The following HS3ST3A1 variants were observed in gnomAD, a reference collection of about 807,000 sequenced individuals.
HS3ST3A1 encodes heparan sulfate glucosamine 3-O-sulfotransferase 3A1.
Under a neutral mutation model 25.7 loss-of-function variants are expected in HS3ST3A1, and 19 were observed. That is an observed-to-expected ratio of 0.74 (90% CI 0.52 to 1.08). The LOEUF is 1.08. Ranked by LOEUF, HS3ST3A1 falls within the 50% of genes least tolerant of loss-of-function variation. The pLI, the probability that HS3ST3A1 is intolerant of heterozygous loss-of-function variation, is 0.00. For missense variants in HS3ST3A1, 459 were observed against 594.3 expected, an observed-to-expected ratio of 0.77 and a Z score of 2.37; for synonymous variants, 226 against 278.6, an observed-to-expected ratio of 0.81 and a Z score of 1.88.
chr17:13,598,056 T>C lies in HS3ST3A1; in HGVS notation c.599+2475A>G, dbSNP rs77863559. Among the ~76,000 whole-genome samples the C allele has an allele frequency of 4.4e-3, 665 of 152,364 alleles. 6 individuals carry two copies. Among genetic ancestry groups the C allele is most frequent in the African/African-American group, 0.016 (646 of 41,580 alleles). On this transcript the variant is annotated intron_variant, in intron 1 of 1. Transcript: ENST00000284110. ...TAATTATATAGGTTTTTCTCTTCCA[T>C]AATTCACTGCTGGGTGCAAATATCT... is the stretch of plus-strand genomic sequence containing the variant.
At chr17:13,553,813 C>T (rs1907302777) in intron 1 of HS3ST3A1, among the ~76,000 whole-genome samples, 1 of 152,162 alleles carries the variant, frequency 6.6e-6, no homozygotes, top group Admixed American at 6.5e-5. Flanking sequence ...CACACATTCT[C>T]CCCTCTCAGG....
chr17:13,532,564 A>T (rs557383115), intron 1 of HS3ST3A1, among the ~76,000 whole-genome samples: 1 of 152,010 alleles, frequency 6.6e-6, no homozygotes, highest in Non-Finnish European at 1.5e-5. Context: ...CCAGGGCCCG[A>T]GGGGGGCCAG....
chr17:13,557,920 G>A (rs754900700), intron 1 of HS3ST3A1, among the ~76,000 whole-genome samples: 4 of 152,164 alleles, frequency 2.6e-5, no homozygotes, highest in African/African-American at 7.2e-5. Context: ...CCTGGTAAAC[G>A]TTTTGAATTT....
chr17:13,573,548 T>C (rs1907872162), intron 1 of HS3ST3A1, among the ~76,000 whole-genome samples: 1 of 152,200 alleles, frequency 6.6e-6, no homozygotes, highest in Admixed American at 6.5e-5. Flanking sequence ...CTGATGATTC[T>C]TCCTCTCCAG....
chr17:13,542,713 A>C (rs1252915346), intron 1 of HS3ST3A1, among the ~76,000 whole-genome samples: 1 of 151,892 alleles, frequency 6.6e-6, no homozygotes, highest in Admixed American at 6.6e-5. Context: ...TAAAGCAATA[A>C]ATTTCTTTGT....
chr17:13,553,506 C>T (rs928169961), intron 1 of HS3ST3A1, among the ~76,000 whole-genome samples: 1 of 152,146 alleles, frequency 6.6e-6, no homozygotes, highest in Non-Finnish European at 1.5e-5. Context: ...CTTCTCTACC[C>T]TTGATTTTGT....
chr17:13,523,282 G>A (rs995180034), intron 1 of HS3ST3A1, among the ~76,000 whole-genome samples: 8 of 152,184 alleles, frequency 5.3e-5, no homozygotes, highest in African/African-American at 1.7e-4. Flanking sequence ...ACAAGGAAAC[G>A]ACAAAGAATA....
At chr17:13,590,620 T>A (rs181253346) in intron 1 of HS3ST3A1, among the ~76,000 whole-genome samples, 2 of 152,184 alleles carry the variant, frequency 1.3e-5, no homozygotes, top group Non-Finnish European at 2.9e-5. Context: ...CTAAAGGAAG[T>A]TCAGATCAAC....
At chr17:13,563,471 G>A (rs1907599223) in intron 1 of HS3ST3A1, among the ~76,000 whole-genome samples, 1 of 152,160 alleles carries the variant, frequency 6.6e-6, no homozygotes, top group African/African-American at 2.4e-5. Context: ...CAGGATGTAT[G>A]TAGGCATTTT....
chr17:13,519,826 A>T (rs1376836152), intron 1 of HS3ST3A1, among the ~76,000 whole-genome samples: 1 of 152,182 alleles, frequency 6.6e-6, no homozygotes, highest in Non-Finnish European at 1.5e-5. Flanking sequence ...TTGATTGCTC[A>T]CCCCACATTA....
intron 1 of HS3ST3A1, among the ~76,000 whole-genome samples, chr17:13,538,160 A>C (rs189714026): frequency 2.0e-4 from 31 of 152,334 alleles, no homozygotes; most frequent in Middle Eastern, 6.8e-3. Context: ...CTTACTACTT[A>C]ATGGTTAAAC....
intron 1 of HS3ST3A1, among the ~76,000 whole-genome samples, chr17:13,590,564 T>C (rs1908397709): frequency 6.6e-6 from 1 of 152,190 alleles, no homozygotes; most frequent in Admixed American, 6.5e-5. Context: ...TTCAGATACC[T>C]TCTACCTCCA....
At chr17:13,529,498 C>T (rs1008919355) in intron 1 of HS3ST3A1, among the ~76,000 whole-genome samples, 9 of 152,054 alleles carry the variant, frequency 5.9e-5, no homozygotes, top group Non-Finnish European at 1.2e-4. Flanking sequence ...ACACAGAGTC[C>T]TGTGGGTTTT....
At chr17:13,566,483 T>G (rs1158854338) in intron 1 of HS3ST3A1, among the ~76,000 whole-genome samples, 1 of 152,192 alleles carries the variant, frequency 6.6e-6, no homozygotes, top group Non-Finnish European at 1.5e-5. Flanking sequence ...AAGGAAGAGT[T>G]GCACCTCCCT....
intron 1 of HS3ST3A1, among the ~76,000 whole-genome samples, chr17:13,515,048 G>A (rs1332012618): frequency 1.3e-5 from 2 of 152,104 alleles, no homozygotes; most frequent in African/African-American, 4.8e-5. Flanking sequence ...AAGAGGGAAA[G>A]GGGATTTAAT....
intron 1 of HS3ST3A1, among the ~76,000 whole-genome samples, chr17:13,512,801 G>C (rs1016096338): frequency 6.6e-6 from 1 of 152,160 alleles, no homozygotes; most frequent in South Asian, 2.1e-4. Context: ...AGTAGTTCAT[G>C]ATCTGCGTAT....
At chr17:13,547,944 C>CAAAA (rs750200323) in intron 1 of HS3ST3A1, among the ~76,000 whole-genome samples, 1 of 53,386 alleles carries the variant, frequency 1.9e-5, no homozygotes, top group Non-Finnish European at 4.5e-5. Context: ...TGGTGTGAGC[C>CAAAA]AAAAAAAAAA....
At chr17:13,502,880 G>GAA (rs35611722) in intron 1 of HS3ST3A1, among the ~76,000 whole-genome samples, 3 of 143,982 alleles carry the variant, frequency 2.1e-5, no homozygotes, top group African/African-American at 5.1e-5. Flanking sequence ...TAACTATAAT[G>GAA]AAAAAAAAAA....
chr17:13,579,888 CAGTGAGCTGAGATCGTGCCCCTGCA>C (rs1336727480), intron 1 of HS3ST3A1, among the ~76,000 whole-genome samples: 85 of 130,744 alleles, frequency 6.5e-4, no homozygotes, highest in African/African-American at 2.3e-3. Flanking sequence ...GCAGAGGTTG[CAGTGAGCTGAGATCGTGCCCCTGCA>C]CTCAGCCTGG....
Sources: gnomAD v4.1 joint callset for allele counts (sites outside exome capture counted in the v4.1 genomes callset) on GRCh38, gnomAD v4.1.1 for gene constraint, MANE v1.5 for transcripts, NCBI Gene and HGNC (gene_info 2026-07-23, HGNC 2026-07-21) for gene names.